Variants in VCAN observed in about 807,000 individuals in gnomAD.
VCAN encodes versican, also known as versican core protein.
VCAN carries 44 observed loss-of-function variants against 245.5 expected under a neutral mutation model. The observed-to-expected ratio is 0.18, with a 90% CI of 0.14 to 0.23. The LOEUF is 0.23. VCAN is among the 10% of genes least tolerant of loss of function. The pLI is 1.00. For synonymous variants in VCAN, 1,413 were observed against 1,437.0 expected (o/e 0.98, Z 0.38); for missense variants, 3,793 against 4,057.9 (o/e 0.93, Z 1.77).
chr5:83,519,252 A>G (rs1014791719), intron 6 of VCAN, 97 bp from the exon 7 acceptor site: 1 of 1,296,968 alleles, frequency 7.7e-7, no homozygotes, highest in Admixed American at 2.1e-5. Context: ...ACCCAAAAAT[A>G]CTCCCTACAA....
intron 7 of VCAN, among the ~76,000 whole-genome samples, chr5:83,529,466 T>C (rs1355771834): frequency 6.6e-6 from 1 of 152,018 alleles, no homozygotes; most frequent in Non-Finnish European, 1.5e-5. Flanking sequence ...GTAATTTAAA[T>C]GATTACTTAT....
chr5:83,493,528 T>C lies in VCAN; in HGVS notation c.446-18T>C. The C allele has an allele frequency of 6.2e-7, 1 of 1,612,780 alleles. No homozygotes were observed. Among genetic ancestry groups the C allele is most frequent in the South Asian group, 1.1e-5 (1 of 91,008 alleles). On this transcript the variant is annotated intron_variant, in intron 3 of 14. Transcript: ENST00000265077. ...GAGATTTGAACAGGCTGGCAATTGT[T>C]TGCTGTTGTTTTTGCAGGGGTTGTG...
In VCAN at chr5:83,537,705, G is replaced by C; in HGVS notation, c.4702G>C (p.Val1568Leu). 6.2e-7 allele frequency: 1 copy of C among 1,613,908 alleles called. No individual in the cohort carries two copies. The highest frequency in any genetic ancestry group is 8.5e-7 in the Non-Finnish European group (1 of 1,179,938). The stretch of plus-strand genomic sequence containing the variant: ...AATAGCCTTTGCAAGGGCTACAGAA[G>C]TAACATTTGGTGAAGAGGTAGAAAA... ...QKIAFARATEVTFGEEVEKST... is the reference protein window; with the variant it reads ...QKIAFARATELTFGEEVEKST... The change falls in exon 8 of 15, where the codon GTA (valine) becomes CTA (leucine). Residue 1568 changes from valine to leucine, a missense_variant. Val to Leu is a conservative substitution (Grantham distance 32, BLOSUM62 1). Transcript: ENST00000265077.
At chr5:83,557,253 A>C (rs899344182) in intron 12 of VCAN, among the ~76,000 whole-genome samples, 1 of 152,114 alleles carries the variant, frequency 6.6e-6, no homozygotes, top group African/African-American at 2.4e-5. Flanking sequence ...GTCATTGGTT[A>C]CATAGATTTG....
intron 10 of VCAN, among the ~76,000 whole-genome samples, chr5:83,551,220 A>G (rs1747453641): frequency 1.3e-5 from 2 of 152,040 alleles, no homozygotes; most frequent in Admixed American, 1.3e-4. Flanking sequence ...TATTTAGAAG[A>G]CAAAAAGGGG....
At chr5:83,557,327 T>C (rs1747710743) in intron 12 of VCAN, among the ~76,000 whole-genome samples, 1 of 152,176 alleles carries the variant, frequency 6.6e-6, no homozygotes, top group Non-Finnish European at 1.5e-5. Flanking sequence ...GTCTCTCCCT[T>C]AGCAGTTCAC....
At chr5:83,554,443 A>G (rs1456495324) in intron 11 of VCAN, among the ~76,000 whole-genome samples, 2 of 152,234 alleles carry the variant, frequency 1.3e-5, no homozygotes, top group Non-Finnish European at 2.9e-5. Context: ...ACCTCATGGT[A>G]AAAGTAAATA....
Position 83,580,740 on chromosome 5 carries a change from A to G in VCAN, c.*306A>G. 1 of 376,870 alleles carries G rather than the reference A, an allele frequency of 2.7e-6. No individual in the cohort carries two copies. The highest frequency in any genetic ancestry group is 2.3e-5 in the South Asian group (1 of 43,222). The allele number at this position is 376,870 out of a possible 1,614,324, so 23.3% of individuals were successfully genotyped here. On this transcript the variant is annotated 3_prime_UTR_variant, in exon 15 of 15. Transcript: ENST00000265077. The stretch of plus-strand genomic sequence containing the variant: ...TGTATACCAGCCTACTGTACTATTT[A>G]AAATGCTCAATTTCAGCACCGATGG...
intron 8 of VCAN, among the ~76,000 whole-genome samples, chr5:83,544,662 A>G (rs191229860): frequency 6.6e-6 from 1 of 152,342 alleles, no homozygotes; most frequent in African/African-American, 2.4e-5. Flanking sequence ...GTCTGAAACA[A>G]TATACAAAGA....
At position 83,519,445 on chromosome 5, in the gene VCAN, C is replaced by T; in HGVS notation, c.1139C>T (p.Pro380Leu). 2 of 1,614,154 alleles carry T rather than the reference C, an allele frequency of 1.2e-6. No individual in the cohort carries two copies. Among genetic ancestry groups the T allele is most frequent in the Non-Finnish European group, 8.5e-7 (1 of 1,179,970 alleles). ...CAAATGGTTTCTGATAGAACTACAC[C>T]AATCATCCCTTTAGTTGATGAATTA... ...EPQMVSDRTT[P>L]IIPLVDELPV... Residue 380 changes from proline (P) to leucine (L), a missense_variant, in exon 7 of 15, where the codon CCA (proline) becomes CTA (leucine). Physicochemically the swap from Pro to Leu is moderately conservative, Grantham distance 98. This residue lies in a region of VCAN where 3,182 missense variants were observed against 3,250.3 expected (regional missense o/e 0.98). Coordinates refer to ENST00000265077, the MANE Select transcript of VCAN (RefSeq NM_004385.5).
At chr5:83,550,887 CA>C (rs57081110) in intron 10 of VCAN, among the ~76,000 whole-genome samples, 156 of 50,066 alleles carry the variant, frequency 3.1e-3, no homozygotes, top group African/African-American at 7.2e-3. Context: ...GACTCCATCT[CA>C]AAAAAAAAAA....
intron 5 of VCAN, among the ~76,000 whole-genome samples, chr5:83,501,211 C>T (rs374415238): frequency 6.6e-6 from 1 of 152,102 alleles, no homozygotes; most frequent in Non-Finnish European, 1.5e-5. Context: ...CATGTCTTCT[C>T]ATGTAAATGA....
intron 5 of VCAN, among the ~76,000 whole-genome samples, chr5:83,503,420 A>G (rs1393410858): frequency 2.6e-5 from 4 of 152,200 alleles, no homozygotes; most frequent in African/African-American, 9.7e-5. Flanking sequence ...TTACTTTTGC[A>G]TACATTTATT....
Position 83,572,569 on chromosome 5 carries a change from C to T in VCAN, c.9880+9C>T, listed in dbSNP as rs954027262. 1.9e-6 allele frequency: 3 copies of T among 1,613,326 alleles called. No homozygotes were observed. The highest frequency in any genetic ancestry group is 2.5e-6 in the Non-Finnish European group (3 of 1,179,558). ...GTGCAAGAAAGGAACAGGTAATGAT[C>T]ACCCTGTTAATAATGTGTACTTAAT... On this transcript the variant is annotated intron_variant, in intron 13 of 14. Transcript: ENST00000265077.
At chr5:83,488,776 G>T (rs1043417783) in intron 2 of VCAN, among the ~76,000 whole-genome samples, 1 of 152,042 alleles carries the variant, frequency 6.6e-6, no homozygotes, top group Admixed American at 6.6e-5. Context: ...AACAGCAATG[G>T]TTATTATACA....
chr5:83,473,730 G>T (rs988343052), intron 1 of VCAN, among the ~76,000 whole-genome samples: 1 of 152,210 alleles, frequency 6.6e-6, no homozygotes, highest in Non-Finnish European at 1.5e-5. Flanking sequence ...GGCGCCCCCT[G>T]ATGGAGAAGT....
At chr5:83,542,468 G>A (rs1421276975) in intron 8 of VCAN, among the ~76,000 whole-genome samples, 200 bp downstream of exon 8, 1 of 152,110 alleles carries the variant, frequency 6.6e-6, no homozygotes, top group Non-Finnish European at 1.5e-5. Context: ...TTGGACTTTA[G>A]AAGTAGACTT....
intron 5 of VCAN, among the ~76,000 whole-genome samples, chr5:83,495,404 G>A (rs939080573): frequency 3.3e-5 from 5 of 152,202 alleles, no homozygotes; most frequent in African/African-American, 1.2e-4. Flanking sequence ...TATCACTGAA[G>A]ATTGCCAGAT....
chr5:83,478,940 T>C (rs1457311352), intron 1 of VCAN, among the ~76,000 whole-genome samples: 1 of 152,104 alleles, frequency 6.6e-6, no homozygotes, highest in Non-Finnish European at 1.5e-5. Context: ...GTACAGTATG[T>C]CTTAGGTAGA....
Sources: allele counts gnomAD v4.1 joint callset (sites outside exome capture counted in the v4.1 genomes callset), GRCh38; gene constraint gnomAD v4.1.1; regional missense constraint gnomAD v4.1.1; transcripts MANE v1.5; gene names NCBI Gene and HGNC (gene_info 2026-07-23, HGNC 2026-07-21).